Variants in MARK3 observed in about 807,000 individuals in gnomAD.
The protein encoded by MARK3 is microtubule affinity regulating kinase 3.
MARK3 carries 46 observed loss-of-function variants against 90.1 expected under a neutral mutation model. The observed-to-expected ratio is 0.51, with a 90% CI of 0.40 to 0.65. The LOEUF (loss-of-function observed/expected upper bound fraction) is 0.65, where lower values mean the gene tolerates loss of function less well. MARK3 is among the 30% of genes least tolerant of loss of function. The pLI is 0.00. For missense variants in MARK3, 818 were observed against 947.2 expected, an observed-to-expected ratio of 0.86 and a Z score of 1.79; for synonymous variants, 321 against 332.6, an observed-to-expected ratio of 0.97 and a Z score of 0.38.
chr14:103,498,236 G>A (rs1243322574), intron 15 of MARK3, among the ~76,000 whole-genome samples: 1 of 151,182 alleles, frequency 6.6e-6, no homozygotes, highest in East Asian at 1.9e-4. Context: ...GTGTCCATCT[G>A]AAGAACTTTT....
At chr14:103,450,038 C>T (rs1405653434) in intron 4 of MARK3, among the ~76,000 whole-genome samples, 1 of 152,140 alleles carries the variant, frequency 6.6e-6, no homozygotes, top group African/African-American at 2.4e-5. Flanking sequence ...TGCCCTATTT[C>T]ATCAGTCTAA....
chr14:103,418,379 G>A (rs2092051043), intron 2 of MARK3, among the ~76,000 whole-genome samples: 1 of 151,910 alleles, frequency 6.6e-6, no homozygotes, highest in African/African-American at 2.4e-5. Context: ...CTAATGTGGA[G>A]CCCTAAGCAT....
At chr14:103,413,244 A>G (rs1007611922) in intron 2 of MARK3, among the ~76,000 whole-genome samples, 5 of 151,988 alleles carry the variant, frequency 3.3e-5, no homozygotes, top group Non-Finnish European at 7.4e-5. Context: ...AACTTTTTTC[A>G]TCTATGTTTT....
chr14:103,397,412 C>T (rs916700579), intron 1 of MARK3, among the ~76,000 whole-genome samples: 3 of 151,616 alleles, frequency 2.0e-5, no homozygotes, highest in Non-Finnish European at 2.9e-5. Context: ...CCGCAACCTC[C>T]GCCTCCCAGG....
chr14:103,492,378 T>G (rs1200446889), intron 15 of MARK3, among the ~76,000 whole-genome samples: 6 of 152,090 alleles, frequency 3.9e-5, no homozygotes, highest in African/African-American at 1.4e-4. Context: ...GCTGGCACTC[T>G]GTAACAATCA....
At position 103,454,996 on chromosome 14, in the gene MARK3, A is replaced by C. The variant is rs913453174; in HGVS notation, c.413-2146A>C. Reference sequence around the variant, plus strand: ...AGTTCAGCTGCTTAACCTGAATGTTAATACATTTTTAATAAGGAAAAAAGA... The same window carrying C: ...AGTTCAGCTGCTTAACCTGAATGTTCATACATTTTTAATAAGGAAAAAAGA... On this transcript the variant is annotated intron_variant, in intron 5 of 17. Coordinates refer to ENST00000429436, the MANE Select transcript of MARK3 (RefSeq NM_001128918.3). Among the ~76,000 whole-genome samples, 12 of 118,790 alleles carry C rather than the reference A, an allele frequency of 1.0e-4. No homozygotes were observed. The Admixed American group carries it at 1.0e-3, about 10-fold the overall frequency. 77.9% of individuals were successfully genotyped at this position (118,790 alleles called of 152,430 possible).
At position 103,485,063 on chromosome 14, in the gene MARK3, C is replaced by CAAAAAAAAAAAAAAAAAAAAAAAAAAA. The variant is rs34312214; in HGVS notation, c.1586+4590_1586+4591insAAAAAAAAAAAAAAAAAAAAAAAAAAA. Among the ~76,000 whole-genome samples, 4 of 97,748 alleles carry CAAAAAAAAAAAAAAAAAAAAAAAAAAA rather than the reference C, an allele frequency of 4.1e-5. 1 individual carries two copies. The highest frequency in any genetic ancestry group is 3.8e-4 in the South Asian group (1 of 2,610). 64.1% of individuals were successfully genotyped at this position (97,748 alleles called of 152,430 possible). A position where few individuals can be genotyped will look rare whatever the true frequency, so the allele number is the denominator to read the frequency against. Reference sequence around the variant, plus strand: ...AGAAACCCCATCTCTACTAAAAATACAAAAAAAAAAAAAAAAATTAGCCAG... The same window carrying CAAAAAAAAAAAAAAAAAAAAAAAAAAA: ...AGAAACCCCATCTCTACTAAAAATACAAAAAAAAAAAAAAAAAAAAAAAAAAAAAAAAAAAAAAAAAAAATTAGCCAG... On this transcript the variant is annotated intron_variant, in intron 14 of 17. Coordinates refer to ENST00000429436, the MANE Select transcript of MARK3 (RefSeq NM_001128918.3).
At chr14:103,403,293 G>C (rs1296738812) in intron 1 of MARK3, among the ~76,000 whole-genome samples, 6 of 150,652 alleles carry the variant, frequency 4.0e-5, no homozygotes, top group African/African-American at 1.5e-4. Context: ...TGCTTTATGC[G>C]CTGCTTTTTA....
intron 1 of MARK3, among the ~76,000 whole-genome samples, chr14:103,398,030 C>G (rs1262727244): frequency 6.6e-6 from 1 of 152,136 alleles, no homozygotes; most frequent in African/African-American, 2.4e-5. Context: ...TTACATATGT[C>G]TTATCTGTGC....
chr14:103,398,264 T>C (rs1267262179), intron 1 of MARK3, among the ~76,000 whole-genome samples: 1 of 152,216 alleles, frequency 6.6e-6, no homozygotes, highest in Admixed American at 6.5e-5. Flanking sequence ...AAATGTCAGA[T>C]TGTTCTTCTA....
intron 1 of MARK3, among the ~76,000 whole-genome samples, chr14:103,386,557 G>A (rs773103921): frequency 6.6e-6 from 1 of 152,192 alleles, no homozygotes; most frequent in Non-Finnish European, 1.5e-5. Flanking sequence ...AGATGGTCTG[G>A]AACTAAATTT....
chr14:103,473,164 C>T (rs1200933803), intron 12 of MARK3, among the ~76,000 whole-genome samples: 1 of 152,238 alleles, frequency 6.6e-6, no homozygotes, highest in Admixed American at 6.5e-5. Flanking sequence ...AGCAGGTTAG[C>T]GGTTGCAGGG....
intron 1 of MARK3, among the ~76,000 whole-genome samples, chr14:103,402,307 C>T (rs2091009638): frequency 2.0e-5 from 3 of 152,090 alleles, no homozygotes; most frequent in South Asian, 2.1e-4. Context: ...AATCCCAGCA[C>T]TTTGGGAGGC....
chr14:103,465,883 G>C, intron 8 of MARK3, 89 bp from the exon 9 acceptor site: 2 of 1,548,294 alleles, frequency 1.3e-6, no homozygotes, highest in Admixed American at 3.8e-5. Context: ...ATATCAGTGC[G>C]GGGGGTTTCA....
intron 17 of MARK3, 101 bp downstream of exon 17, chr14:103,500,301 G>A (rs568256983): frequency 1.1e-6 from 1 of 876,208 alleles, no homozygotes; most frequent in Non-Finnish European, 1.7e-6. Context: ...TATTCCTGCT[G>A]TCTCTGTAGG....
At chr14:103,426,792 C>G (rs1171268229) in intron 2 of MARK3, among the ~76,000 whole-genome samples, 1 of 152,048 alleles carries the variant, frequency 6.6e-6, no homozygotes, top group Non-Finnish European at 1.5e-5. Flanking sequence ...TGCTAGGTGA[C>G]CCTGCTGTTG....
intron 1 of MARK3, among the ~76,000 whole-genome samples, chr14:103,387,654 G>A (rs904541736): frequency 1.3e-5 from 2 of 151,324 alleles, no homozygotes; most frequent in Non-Finnish European, 3.0e-5. Flanking sequence ...CACCACGCCC[G>A]GCTAATTTTT....
chr14:103,429,219 T>C (rs953804142), intron 3 of MARK3: 1 of 152,184 alleles, frequency 6.6e-6, no homozygotes, highest in African/African-American at 2.4e-5. Flanking sequence ...TTGAGGGGGG[T>C]ACAGAGACCA....
intron 3 of MARK3, among the ~76,000 whole-genome samples, chr14:103,442,258 T>C (rs952246127): frequency 6.6e-6 from 1 of 151,832 alleles, no homozygotes; most frequent in Non-Finnish European, 1.5e-5. Flanking sequence ...TAGTCCTAGC[T>C]ACTGGGGAGG....
Sources: gnomAD v4.1 joint callset for allele counts (sites outside exome capture counted in the v4.1 genomes callset) on GRCh38, gnomAD v4.1.1 for gene constraint, MANE v1.5 for transcripts, NCBI Gene and HGNC (gene_info 2026-07-23, HGNC 2026-07-21) for gene names.